UBXN2A: variants seen among roughly 807,000 people sequenced by gnomAD.
UBXN2A encodes UBX domain-containing protein 2A.
A neutral mutation model predicts 28.4 loss-of-function variants in UBXN2A; 28 were observed. The ratio of observed to expected loss-of-function variants is 0.99; its 90% CI spans 0.73 to 1.35. UBXN2A has a LOEUF of 1.35. Among genes scored for constraint, UBXN2A ranks in the 40% most tolerant of loss-of-function variants. The pLI is 0.00. For missense variants in UBXN2A, 253 were observed against 297.9 expected (o/e 0.85, Z 1.11); for synonymous variants, 97 against 103.6 (o/e 0.94, Z 0.39).
chr2:23,969,398 C>G (rs1707315665), intron 2 of UBXN2A, among the ~76,000 whole-genome samples: 1 of 151,868 alleles, frequency 6.6e-6, no homozygotes, highest in African/African-American at 2.4e-5. Flanking sequence ...TGTATTTGCT[C>G]TGTTGCCAGG....
intron 1 of UBXN2A, among the ~76,000 whole-genome samples, chr2:23,945,869 A>G (rs1706051933): frequency 6.8e-6 from 1 of 146,686 alleles, no homozygotes; most frequent in Non-Finnish European, 1.5e-5. Flanking sequence ...TCTGTCACCC[A>G]GGCTGAACTG....
intron 6 of UBXN2A, among the ~76,000 whole-genome samples, chr2:23,993,314 G>A (rs1287936160): frequency 2.0e-5 from 3 of 152,108 alleles, no homozygotes; most frequent in Non-Finnish European, 4.4e-5. Flanking sequence ...GAAACACGTA[G>A]CTTTTTTTCC....
At chr2:23,966,283 C>T (rs978609922) in intron 2 of UBXN2A, among the ~76,000 whole-genome samples, 1 of 151,952 alleles carries the variant, frequency 6.6e-6, no homozygotes, top group Non-Finnish European at 1.5e-5. Context: ...GGACTACAGG[C>T]ACATGCCACC....
intron 1 of UBXN2A, among the ~76,000 whole-genome samples, chr2:23,932,606 A>G (rs1053898276): frequency 1.3e-5 from 2 of 152,148 alleles, no homozygotes; most frequent in African/African-American, 2.4e-5. Context: ...ACACTGATCA[A>G]CAGGTTTACA....
At chr2:23,976,674 C>G (rs113366513) in intron 3 of UBXN2A, among the ~76,000 whole-genome samples, 35 of 152,258 alleles carry the variant, frequency 2.3e-4, no homozygotes, top group African/African-American at 8.4e-4. Context: ...TGGTCCCTCC[C>G]ACAACACACG....
intron 4 of UBXN2A, 28 bp downstream of exon 4, chr2:23,977,103 C>A: frequency 6.3e-7 from 1 of 1,575,316 alleles, no homozygotes; most frequent in Non-Finnish European, 8.7e-7. Context: ...GTAGGTCAAG[C>A]CTGTAAACCC....
At chr2:23,927,483 C>G (rs2150770940) in exon 1 of UBXN2A, 1 of 153,664 alleles carries the variant, frequency 6.5e-6, no homozygotes, top group East Asian at 1.9e-4. Flanking sequence ...GACGAAGGCG[C>G]GAGGAGCTGA....
chr2:23,928,970 TA>T (rs1335659032), intron 1 of UBXN2A, among the ~76,000 whole-genome samples: 1 of 152,182 alleles, frequency 6.6e-6, no homozygotes, highest in Non-Finnish European at 1.5e-5. Context: ...CTGAGCAGCA[TA>T]AACAAGTATC....
In UBXN2A at chr2:23,971,307, C is replaced by T; in HGVS notation, c.73C>T (p.Leu25Phe). 1 of 1,570,886 alleles carries T rather than the reference C, an allele frequency of 6.4e-7. No individual in the cohort carries two copies. The highest frequency in any genetic ancestry group is 8.7e-7 in the Non-Finnish European group (1 of 1,149,050). Residue 25 changes from leucine to phenylalanine, a missense_variant, in exon 3 of 7, where the codon CTT becomes TTT. Leu to Phe is a conservative substitution (Grantham distance 22, BLOSUM62 0). Coordinates refer to ENST00000309033, the MANE Select transcript of UBXN2A (RefSeq NM_181713.4). Reference protein sequence around the residue: ...VCETGSDNQPLGNNQQSNCEY... With the variant: ...VCETGSDNQPFGNNQQSNCEY... ...TGAAACAGGATCTGATAATCAACCT[C>T]TTGGTAATAATCAACAATCAAATTG...
chr2:23,948,135 G>C (rs1161916612), intron 1 of UBXN2A, among the ~76,000 whole-genome samples: 1 of 151,980 alleles, frequency 6.6e-6, no homozygotes, highest in East Asian at 1.9e-4. Flanking sequence ...GATTACAGGC[G>C]TGAGCAACTG....
upstream of UBXN2A, among the ~76,000 whole-genome samples, chr2:23,937,326 T>A (rs1410152580): frequency 6.6e-6 from 1 of 152,054 alleles, no homozygotes; most frequent in Non-Finnish European, 1.5e-5. Context: ...AGGAGGATAG[T>A]TTGAGGCCAG....
chr2:23,946,251 C>G (rs1706071088), intron 1 of UBXN2A, among the ~76,000 whole-genome samples: 1 of 152,050 alleles, frequency 6.6e-6, no homozygotes, highest in African/African-American at 2.4e-5. Context: ...CTTCCGGGTT[C>G]AAGCGATTCT....
At chr2:23,981,476 TAAAAAAA>T (rs55665209) in intron 4 of UBXN2A, among the ~76,000 whole-genome samples, 2 of 28,918 alleles carry the variant, frequency 6.9e-5, no homozygotes, top group Admixed American at 7.0e-4. Context: ...AGCTCCTATC[TAAAAAAA>T]AAAAAAAAAA....
chr2:23,950,739 TTACGCCCAG>T (rs138977388), intron 1 of UBXN2A, among the ~76,000 whole-genome samples: 3,427 of 151,610 alleles, frequency 0.023, 126 homozygotes, highest in African/African-American at 0.078. Context: ...AGTTTTGCTC[TTACGCCCAG>T]GCTGGAGTGA....
chr2:23,969,431 C>T lies in UBXN2A; in HGVS notation c.42-1845C>T, dbSNP rs529142883. On this transcript the variant is annotated intron_variant, in intron 2 of 6. Coordinates refer to ENST00000309033, the MANE Select transcript of UBXN2A (RefSeq NM_181713.4). ...AGGCTGGAGTGCAGTGGTGCAATCT[C>T]GGCTCACTGTGACCTCCACCTCCCA... is the stretch of plus-strand genomic sequence containing the variant. Among the ~76,000 whole-genome samples the T allele has an allele frequency of 7.2e-5, 11 of 151,954 alleles. No homozygotes were observed. In the East Asian group the frequency reaches 1.2e-3, roughly 16 times the overall value.
chr2:23,972,147 A>C (rs1707448726), intron 3 of UBXN2A, among the ~76,000 whole-genome samples: 1 of 152,100 alleles, frequency 6.6e-6, no homozygotes, highest in South Asian at 2.1e-4. Context: ...TTCACTTTGC[A>C]CTGATATTGC....
chr2:23,941,152 G>A (rs960418099), intron 1 of UBXN2A, among the ~76,000 whole-genome samples: 4 of 150,968 alleles, frequency 2.6e-5, no homozygotes, highest in Non-Finnish European at 4.4e-5. Context: ...CCTTTTCGCT[G>A]CCAGTAATAA....
chr2:23,933,086 C>G (rs1368212482), intron 1 of UBXN2A, among the ~76,000 whole-genome samples: 1 of 151,706 alleles, frequency 6.6e-6, no homozygotes, highest in East Asian at 1.9e-4. Flanking sequence ...GCCTGGGCAA[C>G]AGAGCGAGAC....
At chr2:23,927,885 T>C (rs1705144267) in intron 1 of UBXN2A, among the ~76,000 whole-genome samples, 1 of 152,132 alleles carries the variant, frequency 6.6e-6, no homozygotes, top group South Asian at 2.1e-4. Context: ...TATGAAAAGC[T>C]CTGCTGTAGG....
Sources: gnomAD v4.1 joint callset for allele counts (sites outside exome capture counted in the v4.1 genomes callset) on GRCh38, gnomAD v4.1.1 for gene constraint, MANE v1.5 for transcripts, NCBI Gene and HGNC (gene_info 2026-07-23, HGNC 2026-07-21) for gene names.